The following STK3 variants were observed in gnomAD, a reference collection of about 807,000 sequenced individuals.
The protein encoded by STK3 is serine/threonine-protein kinase 3.
Under a neutral mutation model 58.0 loss-of-function variants are expected in STK3, and 41 were observed. That is an observed-to-expected ratio of 0.71 (90% CI 0.55 to 0.92). The LOEUF (loss-of-function observed/expected upper bound fraction) is 0.92, where lower values mean the gene tolerates loss of function less well. Ranked by LOEUF, STK3 falls within the 40% of genes least tolerant of loss-of-function variation. The pLI is 0.00. For missense variants in STK3, 479 were observed against 602.7 expected (o/e 0.79, Z 2.15); for synonymous variants, 170 against 191.0 (o/e 0.89, Z 0.91).
At chr8:98,902,131 G>A (rs143347983) in intron 1 of STK3, among the ~76,000 whole-genome samples, 6 of 151,982 alleles carry the variant, frequency 3.9e-5, no homozygotes, top group East Asian at 1.9e-4. Flanking sequence ...TCCCTCCTTC[G>A]TCTGCCATTT....
At chr8:98,540,063 A>G (rs976755835) in intron 9 of STK3, among the ~76,000 whole-genome samples, 2 of 152,074 alleles carry the variant, frequency 1.3e-5, no homozygotes, top group Admixed American at 6.6e-5. Context: ...CTCTCCACCC[A>G]TTCTTAATAC....
intron 3 of STK3, among the ~76,000 whole-genome samples, chr8:98,419,127 G>A (rs1357285458): frequency 2.0e-5 from 3 of 152,198 alleles, no homozygotes; most frequent in South Asian, 2.1e-4. Flanking sequence ...TTGGGGGGCC[G>A]AAGCAGGAGG....
chr8:98,838,988 T>TTGTGTGTGTG (rs35564732), intron 3 of STK3, among the ~76,000 whole-genome samples: 1 of 144,982 alleles, frequency 6.9e-6, no homozygotes, highest in South Asian at 2.2e-4. Context: ...TTTGTTTGTT[T>TTGTGTGTGTG]TGTGTGTGTG....
intron 9 of STK3, among the ~76,000 whole-genome samples, chr8:98,529,297 G>A (rs539893343): frequency 7.9e-5 from 12 of 152,104 alleles, no homozygotes; most frequent in Admixed American, 3.9e-4. Flanking sequence ...GGGGGGGGAC[G>A]GAGATTGAAC....
intron 1 of STK3, among the ~76,000 whole-genome samples, chr8:98,442,519 G>A (rs1818735112): frequency 1.3e-5 from 2 of 152,234 alleles, no homozygotes; most frequent in African/African-American, 4.8e-5. Flanking sequence ...ATGGTTTTAG[G>A]GAAAGTGTAG....
At chr8:98,387,501 C>A (rs2131008305) in intron 1 of STK3, among the ~76,000 whole-genome samples, 1 of 152,372 alleles carries the variant, frequency 6.6e-6, no homozygotes, top group South Asian at 2.1e-4. Flanking sequence ...GTAACCCCAG[C>A]ACTTCGGGAG....
At chr8:98,631,711 C>A (rs893105245) in intron 6 of STK3, among the ~76,000 whole-genome samples, 3 of 152,278 alleles carry the variant, frequency 2.0e-5, no homozygotes, top group South Asian at 2.1e-4. Flanking sequence ...GTCTCCCAGG[C>A]TAGAGGGCAG....
At chr8:98,350,206 T>C in the STK3 span, among the ~76,000 whole-genome samples, 1 of 152,094 alleles carries the variant, frequency 6.6e-6, no homozygotes, top group African/African-American at 2.4e-5. Flanking sequence ...AGTTCAAAGT[T>C]CCACAAATCT....
intron 3 of STK3, among the ~76,000 whole-genome samples, chr8:98,871,248 C>G (rs1837367185): frequency 6.6e-6 from 1 of 152,112 alleles, no homozygotes; most frequent in Non-Finnish European, 1.5e-5. Context: ...TTACTGTAGC[C>G]TTGTAGTATA....
chr8:98,428,647 A>G lies in STK3; in HGVS notation n.483+5480T>C, dbSNP rs771554393. 2.5e-6 allele frequency: 4 copies of G among 1,614,090 alleles called. No individual in the cohort carries two copies. The African/African-American group carries it at 5.3e-5, about 22-fold the overall frequency. ...CCTGACAGCCAGGGCAACCCTGGCG[A>G]GGACCCTAGGTTCGAAATCGTGGAG... is the stretch of plus-strand genomic sequence containing the variant. On this transcript the variant is annotated intron_variant and non_coding_transcript_variant, in intron 3 of 3. Coordinates refer to the STK3 transcript ENST00000517832. This position sits in a 1 kb window ranked among gnomAD's most constrained non-coding sequence, Gnocchi z 6.7.
chr8:98,398,781 G>A (rs1817917353), downstream of STK3, among the ~76,000 whole-genome samples: 1 of 151,716 alleles, frequency 6.6e-6, no homozygotes, highest in South Asian at 2.1e-4. Context: ...GGAGAAGATG[G>A]TAATATTCCC....
chr8:98,833,266 A>G (rs1835607505), intron 3 of STK3, among the ~76,000 whole-genome samples: 1 of 152,164 alleles, frequency 6.6e-6, no homozygotes, highest in Non-Finnish European at 1.5e-5. Flanking sequence ...CTGATTGACA[A>G]TTGGTTGAAA....
At chr8:98,703,336 T>C (rs1825746158) in intron 6 of STK3, among the ~76,000 whole-genome samples, 1 of 152,160 alleles carries the variant, frequency 6.6e-6, no homozygotes, top group Non-Finnish European at 1.5e-5. Flanking sequence ...CATAATCTTA[T>C]CCATTTCATC....
At chr8:98,616,695 A>G (rs1817756818) in intron 6 of STK3, among the ~76,000 whole-genome samples, 1 of 151,692 alleles carries the variant, frequency 6.6e-6, no homozygotes, top group Admixed American at 6.6e-5. Context: ...TAAACCAACA[A>G]AGATCAAAAG....
At chr8:98,501,130 T>G (rs1041922750) in intron 10 of STK3, among the ~76,000 whole-genome samples, 1 of 152,172 alleles carries the variant, frequency 6.6e-6, no homozygotes, top group Non-Finnish European at 1.5e-5. Context: ...TATCTCATTG[T>G]GGCTTTGATT....
chr8:98,885,477 T>C (rs1837949607), intron 1 of STK3, among the ~76,000 whole-genome samples: 1 of 152,248 alleles, frequency 6.6e-6, no homozygotes, highest in African/African-American at 2.4e-5. Flanking sequence ...TTCATTCTTG[T>C]TGCCCAGGCT....
chr8:98,763,673 T>TC (rs1830768477), intron 3 of STK3, among the ~76,000 whole-genome samples: 2 of 152,076 alleles, frequency 1.3e-5, no homozygotes, highest in South Asian at 4.1e-4. Context: ...TTTTTCTTTT[T>TC]CTTTTTTTTT....
At position 98,800,767 on chromosome 8, in the gene STK3, C is replaced by T. The variant is rs1833490498; in HGVS notation, c.26+24748G>A. ...GCGGAAGGGGCACCGGGTACCCCAG[C>T]ACTGCCGGCCCTCCCGCGCTGAGCT... On this transcript the variant is annotated intron_variant, in intron 1 of 10. Transcript: ENST00000419617. The surrounding 1 kb of genome is among the most constrained non-coding windows in gnomAD (Gnocchi z 4.8). Among the ~76,000 whole-genome samples, 1 of 152,354 alleles carries T rather than the reference C, an allele frequency of 6.6e-6. No homozygotes were observed. Among genetic ancestry groups the T allele is most frequent in the African/African-American group, 2.4e-5 (1 of 41,590 alleles).
chr8:98,766,708 A>T (rs961033022), intron 3 of STK3, among the ~76,000 whole-genome samples: 2 of 152,186 alleles, frequency 1.3e-5, no homozygotes, highest in Admixed American at 6.5e-5. Flanking sequence ...GATCTACCAC[A>T]TCCAGCCTCA....
Sources: allele counts gnomAD v4.1 joint callset (sites outside exome capture counted in the v4.1 genomes callset), GRCh38; gene constraint gnomAD v4.1.1; non-coding constraint Gnocchi (gnomAD v3.1); transcripts MANE v1.5; gene names NCBI Gene and HGNC (gene_info 2026-07-23, HGNC 2026-07-21).